The following RAB9B variants were observed in gnomAD, a reference collection of about 807,000 sequenced individuals.
The protein encoded by RAB9B is ras-related protein Rab-9B.
In RAB9B, 1 loss-of-function variant was observed where a neutral mutation model predicts 8.9. That is an observed-to-expected ratio of 0.11 (90% CI 0.04 to 0.53). The LOEUF (loss-of-function observed/expected upper bound fraction) is 0.53. Ranked by LOEUF, RAB9B falls within the 20% of genes least tolerant of loss-of-function variation. RAB9B has a pLI of 0.93. For synonymous variants in RAB9B, 63 were observed against 57.0 expected, an observed-to-expected ratio of 1.10 and a Z score of -0.47; for missense variants, 82 against 152.9, an observed-to-expected ratio of 0.54 and a Z score of 2.45.
chrX:103,807,759 A>G, the RAB9B span, among the ~76,000 whole-genome samples: 412 of 111,633 alleles, frequency 3.7e-3, 7 homozygotes, highest in East Asian at 0.039. Flanking sequence ...GGAGTCCCCA[A>G]AACCCAGGGA....
chrX:103,780,573 A>G, the RAB9B span, among the ~76,000 whole-genome samples: 5 of 110,828 alleles, frequency 4.5e-5, no homozygotes, highest in Non-Finnish European at 7.6e-5. Context: ...ATTCCTTTTT[A>G]GTTAACCTTG....
intron 1 of RAB9B, among the ~76,000 whole-genome samples, chrX:103,827,394 A>G (rs1202442904): frequency 1.8e-5 from 2 of 111,939 alleles, no homozygotes; most frequent in African/African-American, 3.2e-5. Flanking sequence ...TTCACAATAG[A>G]TGACATTCAG....
At chrX:103,781,339 A>T in the RAB9B span, 3 of 323,527 alleles carry the variant, frequency 9.3e-6, no homozygotes, top group Non-Finnish European at 1.8e-5. Context: ...GATCTCTGTC[A>T]GACCGCTGTG....
At chrX:103,830,933 G>A (rs1289554067) in intron 1 of RAB9B, among the ~76,000 whole-genome samples, 1 of 111,766 alleles carries the variant, frequency 8.9e-6, no homozygotes, top group Non-Finnish European at 1.9e-5. Flanking sequence ...CTCAAAATCA[G>A]TAGTGCAGAT....
At chrX:103,783,718 G>A in the RAB9B span, among the ~76,000 whole-genome samples, 1 of 112,018 alleles carries the variant, frequency 8.9e-6, no homozygotes, top group Non-Finnish European at 1.9e-5. Flanking sequence ...TCAGGAAAAG[G>A]AGTCCCCTTT....
downstream of RAB9B, among the ~76,000 whole-genome samples, chrX:103,818,681 T>C (rs2074648792): frequency 9.0e-6 from 1 of 111,638 alleles, no homozygotes; most frequent in South Asian, 3.7e-4. Flanking sequence ...AGTTAAGTAC[T>C]ATAGATATAT....
At chrX:103,796,940 T>C in the RAB9B span, among the ~76,000 whole-genome samples, 2 of 102,359 alleles carry the variant, frequency 2.0e-5, no homozygotes, top group African/African-American at 3.6e-5. Flanking sequence ...GGTGGGAGTA[T>C]AGCTGTAGCC....
In RAB9B at chrX:103,825,326, A is replaced by G. The variant is rs1380436822; in HGVS notation, c.459T>C (p.Thr153=). The part of the protein sequence containing the change: ...MENGDYPYLE[T]SAKDDTNVTV... ...TCACATTAGTATCATCTTTGGCACT[A>G]GTTTCTAAATAAGGGTAATCCCCAT... The change falls in exon 3 of 3, where the codon ACT becomes ACC. Residue 153 remains threonine, a synonymous_variant. Coordinates refer to ENST00000243298, the MANE Select transcript of RAB9B (RefSeq NM_016370.4). 7 of 1,209,659 alleles carry G rather than the reference A, an allele frequency of 5.8e-6. No homozygotes were observed. Among genetic ancestry groups the G allele is most frequent in the Non-Finnish European group, 7.8e-6 (7 of 895,192 alleles).
the RAB9B span, among the ~76,000 whole-genome samples, chrX:103,811,595 A>G: frequency 8.9e-6 from 1 of 111,804 alleles, no homozygotes; most frequent in African/African-American, 3.3e-5. Context: ...TATTCTAGAA[A>G]AAAAATTTAA....
At chrX:103,788,581 A>G in the RAB9B span, 1 of 808,412 alleles carries the variant, frequency 1.2e-6, no homozygotes, top group Non-Finnish European at 1.9e-6. Flanking sequence ...ATGGCCTTCA[A>G]TTTTAAGGAC....
the RAB9B span, among the ~76,000 whole-genome samples, chrX:103,815,155 C>T: frequency 4.5e-5 from 5 of 112,091 alleles, no homozygotes; most frequent in Admixed American, 2.8e-4. Context: ...GAATTTTAGG[C>T]CAGTATCCCT....
At position 103,822,497 on chromosome X, in the gene RAB9B, C is replaced by T. The variant is rs760203900; in HGVS notation, c.*2682G>A. 3 of 111,549 alleles carry T rather than the reference C, an allele frequency of 2.7e-5. No homozygotes were observed. Among genetic ancestry groups the T allele is most frequent in the East Asian group, 2.8e-4 (1 of 3,574 alleles). 9.2% of individuals were successfully genotyped at this position (111,549 alleles called of 1,213,427 possible). On this transcript the variant is annotated 3_prime_UTR_variant, in exon 3 of 3. Coordinates refer to ENST00000243298, the MANE Select transcript of RAB9B (RefSeq NM_016370.4). ...GATGGCTGGGGCAGGCACAAATTAA[C>T]CTGATATTCATCAATCCACTGAAGA... is the stretch of plus-strand genomic sequence containing the variant.
the RAB9B span, among the ~76,000 whole-genome samples, chrX:103,816,413 C>T: frequency 7.0e-4 from 78 of 111,648 alleles, no homozygotes; most frequent in African/African-American, 2.5e-3. Context: ...TTCCTTACAC[C>T]TTATACAAAA....
At chrX:103,785,632 C>G in the RAB9B span, 1 of 1,209,139 alleles carries the variant, frequency 8.3e-7, no homozygotes, top group Non-Finnish European at 1.1e-6. Context: ...CTTTGCTTCC[C>G]TGGTGGCCAC....
chrX:103,811,509 G>A, the RAB9B span, among the ~76,000 whole-genome samples: 1 of 111,587 alleles, frequency 9.0e-6, no homozygotes, highest in Non-Finnish European at 1.9e-5. Flanking sequence ...TATTATAATA[G>A]TGACATGTGG....
intron 1 of RAB9B, among the ~76,000 whole-genome samples, chrX:103,828,210 CTT>C (rs2074690967): frequency 9.0e-6 from 1 of 111,306 alleles, no homozygotes; most frequent in Admixed American, 9.5e-5. Context: ...ATAGATAAAA[CTT>C]ATAATAAGGA....
downstream of RAB9B, among the ~76,000 whole-genome samples, chrX:103,820,989 C>T (rs1024542306): frequency 2.0e-5 from 2 of 101,796 alleles, no homozygotes; most frequent in Non-Finnish European, 4.0e-5. Context: ...CACATACACA[C>T]ACACACACAC....
the RAB9B span, chrX:103,776,538 C>T: frequency 1.1e-4 from 15 of 135,579 alleles, no homozygotes; most frequent in East Asian, 2.0e-4. Context: ...TGCTGCATAT[C>T]CCACACCAAT....
At chrX:103,780,435 CTCTCTG>C in the RAB9B span, among the ~76,000 whole-genome samples, 1,465 of 68,315 alleles carry the variant, frequency 0.021, 6 homozygotes, top group East Asian at 0.04. Context: ...CATTCTGTCT[CTCTCTG>C]TGTGTGTGTG....
Sources: gnomAD v4.1 joint callset for allele counts (sites outside exome capture counted in the v4.1 genomes callset) on GRCh38, gnomAD v4.1.1 for gene constraint, MANE v1.5 for transcripts, NCBI Gene and HGNC (gene_info 2026-07-23, HGNC 2026-07-21) for gene names.